Variants in UNC80 observed in about 807,000 individuals in gnomAD.
The protein encoded by UNC80 is protein unc-80 homolog.
Under a neutral mutation model 384.6 loss-of-function variants are expected in UNC80, and 164 were observed. The ratio of observed to expected loss-of-function variants is 0.43; its 90% CI spans 0.38 to 0.49. UNC80 has a LOEUF of 0.49. Among genes scored for constraint, UNC80 ranks in the 20% least tolerant of loss-of-function variants. The pLI, the probability that UNC80 is intolerant of heterozygous loss-of-function variation, is 0.00. For missense variants in UNC80, 3,330 were observed against 4,143.0 expected, an observed-to-expected ratio of 0.80 and a Z score of 5.39; for synonymous variants, 1,486 against 1,527.8, an observed-to-expected ratio of 0.97 and a Z score of 0.64.
intron 6 of UNC80, among the ~76,000 whole-genome samples, chr2:209,790,087 G>T (rs944853185): frequency 2.0e-5 from 3 of 151,550 alleles, no homozygotes; most frequent in African/African-American, 7.3e-5. Flanking sequence ...TTTAATGAGG[G>T]GTCAAGACTA....
At chr2:209,952,482 A>AAT (rs2092230800) in intron 47 of UNC80, among the ~76,000 whole-genome samples, 1 of 152,194 alleles carries the variant, frequency 6.6e-6, no homozygotes, top group Admixed American at 6.5e-5. Flanking sequence ...CCTGAACTCC[A>AAT]ATATATATTT....
At chr2:209,887,387 A>G (rs940863549) in intron 25 of UNC80, among the ~76,000 whole-genome samples, 2 of 151,876 alleles carry the variant, frequency 1.3e-5, no homozygotes, top group Non-Finnish European at 2.9e-5. Flanking sequence ...TCTTTCTTTC[A>G]TAGCCACAGC....
At chr2:209,986,595 T>C (rs1471042562) in intron 61 of UNC80, among the ~76,000 whole-genome samples, 1 of 152,202 alleles carries the variant, frequency 6.6e-6, no homozygotes, top group Non-Finnish European at 1.5e-5. Context: ...GGTAGTACTT[T>C]GATGACTGTC....
chr2:209,772,867 G>A (rs2076655245), intron 1 of UNC80, among the ~76,000 whole-genome samples: 1 of 152,074 alleles, frequency 6.6e-6, no homozygotes, highest in Non-Finnish European at 1.5e-5. Context: ...CAGATTAAGA[G>A]TGGATACCGA....
chr2:209,948,904 A>G (rs950216272), intron 47 of UNC80, among the ~76,000 whole-genome samples: 2 of 152,130 alleles, frequency 1.3e-5, no homozygotes, highest in Non-Finnish European at 2.9e-5. Context: ...GAGTTTTCTT[A>G]TTGATGGATA....
At chr2:209,789,685 T>C (rs1330430406) in intron 6 of UNC80, 80 bp downstream of exon 6, 15 of 1,025,844 alleles carry the variant, frequency 1.5e-5, no homozygotes, top group Non-Finnish European at 2.1e-5. Context: ...AGACATGAGT[T>C]CTAGAATCAC....
chr2:209,951,203 AAG>A lies in UNC80; in HGVS notation c.7287-2895_7287-2894del, dbSNP rs2092162921. 2.0e-5 allele frequency among the ~76,000 whole-genome samples: 3 copies of A among 152,234 alleles called. No homozygotes were observed. The East Asian group carries it at 5.8e-4, about 29-fold the overall frequency. ...AATTAACTAATAAAATAAAATAAAAAAGAAAATATTCCATTTTCTACTGACTT... is the reference window on the plus strand; with the variant it reads ...AATTAACTAATAAAATAAAATAAAAAAAAATATTCCATTTTCTACTGACTT... On this transcript the variant is annotated intron_variant, in intron 47 of 64. Coordinates refer to ENST00000673920, the MANE Select transcript of UNC80 (RefSeq NM_001371986.1).
intron 51 of UNC80, among the ~76,000 whole-genome samples, chr2:209,960,599 A>G (rs1010064462): frequency 6.6e-6 from 1 of 151,806 alleles, no homozygotes; most frequent in African/African-American, 2.4e-5. Context: ...CAAAACTCAC[A>G]GTTTCCTGGT....
chr2:209,852,266 G>T (rs757583776), intron 22 of UNC80, among the ~76,000 whole-genome samples: 1 of 151,980 alleles, frequency 6.6e-6, no homozygotes, highest in African/African-American at 2.4e-5. Flanking sequence ...GTGTTCAGAG[G>T]TCCAAATTCC....
At chr2:209,931,444 GT>G (rs1215417283) in intron 38 of UNC80, among the ~76,000 whole-genome samples, 1 of 149,186 alleles carries the variant, frequency 6.7e-6, no homozygotes, top group Admixed American at 6.7e-5. Flanking sequence ...TAGATGGAAA[GT>G]TTTTGTGTAT....
chr2:209,832,530 AT>A (rs1340136929), intron 16 of UNC80, among the ~76,000 whole-genome samples: 2 of 152,150 alleles, frequency 1.3e-5, no homozygotes, highest in Admixed American at 1.3e-4. Flanking sequence ...ATGTACTCAA[AT>A]CAAGGAAATT....
rs1401434501 is a variant in UNC80 at position 209,976,349 on chromosome 2, T to C, written c.8772+46T>C. 2 of 1,550,900 alleles carry C rather than the reference T, an allele frequency of 1.3e-6. No homozygotes were observed. Among genetic ancestry groups the C allele is most frequent in the Admixed American group, 2.0e-5 (1 of 50,972 alleles). On this transcript the variant is annotated intron_variant, in intron 57 of 64. Transcript: ENST00000673920. The surrounding 1 kb of genome is among the most constrained non-coding windows in gnomAD (Gnocchi z 4.3). ...CCTGAAAGTGGCAAGCTCAAATGAATGTGTGGCTCTCTACTGAGGCAGGAA... is the reference window on the plus strand; with the variant it reads ...CCTGAAAGTGGCAAGCTCAAATGAACGTGTGGCTCTCTACTGAGGCAGGAA...
At position 209,872,478 on chromosome 2, in the gene UNC80, A is replaced by G. The variant is rs533520679; in HGVS notation, c.3628-280A>G. On this transcript the variant is annotated intron_variant, in intron 22 of 64. Transcript: ENST00000673920. The surrounding 1 kb of genome is among the most constrained non-coding windows in gnomAD (Gnocchi z 4.1). ...CCCTTAAATATACAAAGTTGGAGACATGTAATTACTTGAGATTCTTGAGAA... is the reference window on the plus strand; with the variant it reads ...CCCTTAAATATACAAAGTTGGAGACGTGTAATTACTTGAGATTCTTGAGAA... 6.6e-6 allele frequency among the ~76,000 whole-genome samples: 1 copy of G among 152,304 alleles called. No homozygotes were observed. The highest frequency in any genetic ancestry group is 1.9e-4 in the East Asian group (1 of 5,186).
rs2093509129 is a variant in UNC80, at chr2:209,998,110, A to G, written c.*2515A>G. 2 of 152,210 alleles carry G rather than the reference A, an allele frequency of 1.3e-5. No homozygotes were observed. Among genetic ancestry groups the G allele is most frequent in the Admixed American group, 1.3e-4 (2 of 15,282 alleles). 9.4% of individuals were successfully genotyped at this position (152,210 alleles called of 1,614,324 possible). A position where few individuals can be genotyped will look rare whatever the true frequency, so the allele number is the denominator to read the frequency against. On this transcript the variant is annotated 3_prime_UTR_variant, in exon 65 of 65. Coordinates refer to ENST00000673920, the MANE Select transcript of UNC80 (RefSeq NM_001371986.1). ...ATACTTAATGATATTTATCTTATTC[A>G]GAGGAAAAACAAAAAAGGTACCCAC...
intron 47 of UNC80, among the ~76,000 whole-genome samples, chr2:209,953,518 C>T (rs2092286185): frequency 6.6e-6 from 1 of 151,712 alleles, no homozygotes; most frequent in Admixed American, 6.6e-5. Flanking sequence ...ACTTAATCTC[C>T]ATGTCCCCTT....
chr2:209,978,461 G>T, intron 58 of UNC80, 68 bp from the exon 59 acceptor site: 1 of 1,342,754 alleles, frequency 7.4e-7, no homozygotes, highest in Admixed American at 2.3e-5. Flanking sequence ...CAAGTGGTCA[G>T]GGAGGACTTT....
At chr2:209,851,100 ATCT>A (rs2124841486) in intron 22 of UNC80, among the ~76,000 whole-genome samples, 1 of 152,286 alleles carries the variant, frequency 6.6e-6, no homozygotes, top group East Asian at 1.9e-4. Flanking sequence ...ACTACACTTC[ATCT>A]TACTTGAACT....
chr2:209,985,034 C>T (rs555543434), intron 61 of UNC80, 122 bp downstream of exon 61: 1 of 831,634 alleles, frequency 1.2e-6, no homozygotes, highest in East Asian at 3.1e-5. Context: ...ATTTCCATTC[C>T]TTGCCCTTTG....
At chr2:209,974,050 C>T (rs1272673956) in intron 56 of UNC80, among the ~76,000 whole-genome samples, 1 of 152,202 alleles carries the variant, frequency 6.6e-6, no homozygotes, top group Non-Finnish European at 1.5e-5. Flanking sequence ...GAAAAGACCA[C>T]TCTTGCCATA....
Sources: allele counts gnomAD v4.1 joint callset (sites outside exome capture counted in the v4.1 genomes callset), GRCh38; gene constraint gnomAD v4.1.1; non-coding constraint Gnocchi (gnomAD v3.1); transcripts MANE v1.5; gene names NCBI Gene and HGNC (gene_info 2026-07-23, HGNC 2026-07-21).